Variants in ZNF385D observed in about 807,000 individuals in gnomAD.
ZNF385D encodes zinc finger protein 659.
In ZNF385D, 15 loss-of-function variants were observed where a neutral mutation model predicts 35.8. The observed-to-expected ratio is 0.42, with a 90% CI of 0.28 to 0.64. ZNF385D has a LOEUF of 0.64. ZNF385D is among the 30% of genes least tolerant of loss of function. The pLI is 0.23. For synonymous variants in ZNF385D, 212 were observed against 186.8 expected (o/e 1.13, Z -1.10); for missense variants, 474 against 494.6 (o/e 0.96, Z 0.39).
intron 3 of ZNF385D, among the ~76,000 whole-genome samples, chr3:22,151,514 T>C (rs1379976798): frequency 6.6e-6 from 1 of 152,156 alleles, no homozygotes; most frequent in Non-Finnish European, 1.5e-5. Context: ...TAAATTTCAA[T>C]GCATGCATTA....
chr3:21,500,476 G>T (rs233170), intron 4 of ZNF385D, among the ~76,000 whole-genome samples: 24,253 of 152,124 alleles, frequency 0.16, 2,091 homozygotes, highest in Admixed American at 0.25. Context: ...TTATGCAGAA[G>T]CCTAGAAGTA....
At chr3:22,038,676 T>A (rs1320381526) in intron 3 of ZNF385D, among the ~76,000 whole-genome samples, 3 of 152,096 alleles carry the variant, frequency 2.0e-5, no homozygotes, top group Non-Finnish European at 4.4e-5. Context: ...CTAATTCTTT[T>A]GGATCTAATA....
intron 3 of ZNF385D, among the ~76,000 whole-genome samples, chr3:22,041,573 A>G (rs1698664334): frequency 6.6e-6 from 1 of 152,214 alleles, no homozygotes; most frequent in South Asian, 2.1e-4. Flanking sequence ...GGGGTTTTTG[A>G]TGCCATTAAA....
chr3:21,751,999 A>AC, upstream of ZNF385D, among the ~76,000 whole-genome samples: 1 of 94,796 alleles, frequency 1.1e-5, no homozygotes, highest in African/African-American at 3.4e-5. Flanking sequence ...CCACACACAC[A>AC]CACACCCACC....
At chr3:21,783,235 T>C (rs948017817) in intron 3 of ZNF385D, among the ~76,000 whole-genome samples, 2 of 152,136 alleles carry the variant, frequency 1.3e-5, no homozygotes, top group Non-Finnish European at 2.9e-5. Flanking sequence ...GGATAGGTAA[T>C]GAATAAGCCA....
At chr3:21,436,884 T>A (rs1402620588) in intron 5 of ZNF385D, 86 bp downstream of exon 5, 2 of 1,291,874 alleles carry the variant, frequency 1.5e-6, no homozygotes, top group Non-Finnish European at 2.1e-6. Flanking sequence ...CTCCACCCCT[T>A]TGTCCCCTGC....
intron 2 of ZNF385D, among the ~76,000 whole-genome samples, chr3:22,189,532 A>G (rs1451403118): frequency 2.6e-5 from 4 of 152,150 alleles, no homozygotes; most frequent in Non-Finnish European, 5.9e-5. Flanking sequence ...TGAATCAGGA[A>G]TAAGGGAACC....
At chr3:22,165,947 C>A (rs908715742) in intron 3 of ZNF385D, among the ~76,000 whole-genome samples, 1 of 152,160 alleles carries the variant, frequency 6.6e-6, no homozygotes, top group African/African-American at 2.4e-5. Flanking sequence ...TCTTTGAAAA[C>A]AGATGGAGCC....
chr3:22,332,480 G>A (rs534710812), intron 2 of ZNF385D, among the ~76,000 whole-genome samples: 2 of 152,260 alleles, frequency 1.3e-5, no homozygotes, highest in East Asian at 1.9e-4. Context: ...TGGTGGTTAT[G>A]AATTATGAGT....
intron 2 of ZNF385D, among the ~76,000 whole-genome samples, chr3:22,337,297 C>T (rs1695216503): frequency 1.3e-5 from 2 of 151,870 alleles, no homozygotes; most frequent in African/African-American, 2.4e-5. Flanking sequence ...TTTGAAAGGT[C>T]GAGGTGGGGG....
intron 2 of ZNF385D, among the ~76,000 whole-genome samples, chr3:22,200,680 G>A (rs1277584644): frequency 6.6e-6 from 1 of 152,044 alleles, no homozygotes; most frequent in South Asian, 2.1e-4. Flanking sequence ...GGAGCACTAT[G>A]GGAGACTGGG....
chr3:21,844,470 T>C (rs781173123), intron 3 of ZNF385D, among the ~76,000 whole-genome samples: 3 of 151,810 alleles, frequency 2.0e-5, no homozygotes, highest in Non-Finnish European at 4.4e-5. Flanking sequence ...GCTAAAGTTG[T>C]CCGAAGCTCA....
chr3:21,623,557 C>T (rs528670222), intron 2 of ZNF385D, among the ~76,000 whole-genome samples: 2 of 151,990 alleles, frequency 1.3e-5, no homozygotes, highest in Non-Finnish European at 2.9e-5. Flanking sequence ...GTGGGAAAAT[C>T]GCTTGACCCC....
At chr3:21,448,913 A>G (rs1233097624) in intron 4 of ZNF385D, among the ~76,000 whole-genome samples, 2 of 152,188 alleles carry the variant, frequency 1.3e-5, no homozygotes, top group Non-Finnish European at 2.9e-5. Context: ...ATTTGAGAAT[A>G]CATTCATTGT....
intron 2 of ZNF385D, among the ~76,000 whole-genome samples, chr3:22,269,359 A>C (rs1267915260): frequency 6.6e-6 from 1 of 152,000 alleles, no homozygotes; most frequent in Non-Finnish European, 1.5e-5. Context: ...CACATCTGAC[A>C]GACTAAAGGC....
At chr3:22,115,513 AT>A (rs1160967665) in intron 3 of ZNF385D, among the ~76,000 whole-genome samples, 1 of 152,058 alleles carries the variant, frequency 6.6e-6, no homozygotes, top group Non-Finnish European at 1.5e-5. Flanking sequence ...GAAAATGGTC[AT>A]TTTCAAGATT....
chr3:22,130,585 C>A (rs1169794410), intron 3 of ZNF385D, among the ~76,000 whole-genome samples: 3 of 152,110 alleles, frequency 2.0e-5, no homozygotes, highest in South Asian at 4.1e-4. Flanking sequence ...GCACTGAGTT[C>A]CAATGCAAAC....
chr3:21,603,632 T>A (rs931184765), intron 2 of ZNF385D, among the ~76,000 whole-genome samples: 4 of 151,288 alleles, frequency 2.6e-5, no homozygotes, highest in African/African-American at 9.8e-5. Flanking sequence ...TATGATTACA[T>A]TTGTTTTAAA....
intron 4 of ZNF385D, among the ~76,000 whole-genome samples, chr3:21,445,629 G>A (rs531726777): frequency 4.6e-5 from 7 of 152,214 alleles, no homozygotes; most frequent in Non-Finnish European, 8.8e-5. Flanking sequence ...CTAAGTCAAA[G>A]AGGATTATAT....
Sources: allele counts gnomAD v4.1 joint callset (sites outside exome capture counted in the v4.1 genomes callset), GRCh38; gene constraint gnomAD v4.1.1; transcripts MANE v1.5; gene names NCBI Gene and HGNC (gene_info 2026-07-23, HGNC 2026-07-21).